The following SRPK2 variants were observed in gnomAD, a reference collection of about 807,000 sequenced individuals.
The protein encoded by SRPK2 is SFRS protein kinase 2.
A neutral mutation model predicts 90.8 loss-of-function variants in SRPK2; 21 were observed. The observed-to-expected ratio is 0.23, with a 90% CI of 0.16 to 0.33. The LOEUF is 0.33. Ranked by LOEUF, SRPK2 falls within the 10% of genes least tolerant of loss-of-function variation. The pLI is 1.00. For synonymous variants in SRPK2, 288 were observed against 311.1 expected (o/e 0.93, Z 0.78); for missense variants, 620 against 869.0 (o/e 0.71, Z 3.60).
rs1801169758 is a variant in SRPK2 at position 105,126,151 on chromosome 7, T to C, written c.1915+97A>G. 1.1e-5 allele frequency: 12 copies of C among 1,062,936 alleles called. No individual in the cohort carries two copies. In the South Asian group the frequency reaches 1.5e-4, roughly 13 times the overall value. The allele number at this position is 1,062,936 out of a possible 1,614,324, so 65.8% of individuals were successfully genotyped here. ...ATTCTGCTGGGTTGCGTTTCGAATT[T>C]AGGAGAAATGCCTTTGTCACCATTA... On this transcript the variant is annotated intron_variant, in intron 15 of 15. Transcript: ENST00000393651.
intron 2 of SRPK2, among the ~76,000 whole-genome samples, chr7:105,300,702 A>G (rs1016048687): frequency 2.6e-5 from 4 of 152,222 alleles, no homozygotes; most frequent in Non-Finnish European, 1.5e-5. Context: ...AAAAGTGGGC[A>G]ACGGATATGA....
chr7:105,331,439 A>G (rs1814392557), intron 2 of SRPK2, among the ~76,000 whole-genome samples: 1 of 152,178 alleles, frequency 6.6e-6, no homozygotes, highest in Non-Finnish European at 1.5e-5. Context: ...AATCCATAAC[A>G]TAAACTATTG....
Position 105,117,937 on chromosome 7 carries a change from A to G in SRPK2, c.2001T>C (p.Ala667=), listed in dbSNP as rs1433760487. The G allele has an allele frequency of 3.1e-6, 5 of 1,614,218 alleles. No homozygotes were observed. Among genetic ancestry groups the G allele is most frequent in the East Asian group, 2.2e-5 (1 of 44,882 alleles). ...VEKYGWPHED[A]AQFTDFLIPM... ...GGATCAGGAAATCTGTAAACTGTGC[A>G]GCATCTTCATGGGGCCAGCCATACT... is the stretch of plus-strand genomic sequence containing the variant. The change falls in exon 16 of 16, where the codon GCT becomes GCC. Residue 667 remains alanine (A), a synonymous_variant. Coordinates refer to ENST00000393651, the MANE Select transcript of SRPK2 (RefSeq NM_182692.3).
intron 2 of SRPK2, among the ~76,000 whole-genome samples, chr7:105,212,165 T>C (rs1424978038): frequency 6.6e-6 from 1 of 152,214 alleles, no homozygotes; most frequent in African/African-American, 2.4e-5. Flanking sequence ...TATAAAACAC[T>C]TGTGGGATCT....
chr7:105,255,363 T>G lies in SRPK2; in HGVS notation c.72-51578A>C, dbSNP rs146174552. 9.9e-5 allele frequency among the ~76,000 whole-genome samples: 15 copies of G among 152,144 alleles called. No homozygotes were observed. In the East Asian group the frequency reaches 2.7e-3, roughly 27 times the overall value. On this transcript the variant is annotated intron_variant, in intron 2 of 15. Transcript: ENST00000393651. ...ACTATCCTCCATCATAACCTTCTAC[T>G]GTGATCTGCATTTTCTCTGACCCCC...
At chr7:105,287,275 A>G (rs1259825573) in intron 2 of SRPK2, among the ~76,000 whole-genome samples, 12 of 137,046 alleles carry the variant, frequency 8.8e-5, no homozygotes, top group Non-Finnish European at 1.7e-4. Context: ...AAAAAAAAAA[A>G]AAAAAAAAAG....
intron 11 of SRPK2, among the ~76,000 whole-genome samples, chr7:105,139,187 G>A (rs541870837): frequency 3.3e-5 from 5 of 152,246 alleles, no homozygotes; most frequent in Middle Eastern, 3.4e-3. Context: ...TACACTGATC[G>A]GGTGAGCATA....
rs73716697 is a variant in SRPK2 at position 105,367,752 on chromosome 7, C to T, written c.71+20896G>A. On this transcript the variant is annotated intron_variant, in intron 2 of 15. Transcript: ENST00000393651. ...TAGTGCCGTGTACAGTCTGTACACACACATTTTGTGTACATTTCATGTTGG... is the reference window on the plus strand; with the variant it reads ...TAGTGCCGTGTACAGTCTGTACACATACATTTTGTGTACATTTCATGTTGG... Among the ~76,000 whole-genome samples, 512 of 152,252 alleles carry T rather than the reference C, an allele frequency of 3.4e-3. 1 individual carries two copies. The highest frequency in any genetic ancestry group is 0.011 in the African/African-American group (477 of 41,564).
intron 2 of SRPK2, among the ~76,000 whole-genome samples, chr7:105,227,575 A>T (rs1274656141): frequency 6.6e-6 from 1 of 152,222 alleles, no homozygotes; most frequent in South Asian, 2.1e-4. Context: ...AAAGGATGCT[A>T]ACAAGTGTTG....
chr7:105,205,517 TCACACACACACACACACA>T (rs543121144), intron 2 of SRPK2, among the ~76,000 whole-genome samples: 93 of 95,886 alleles, frequency 9.7e-4, no homozygotes, highest in South Asian at 4.0e-3. Context: ...TCTCTCTCTC[TCACACACACACACACACA>T]CACACACACA....
chr7:105,261,383 T>C (rs2129976191), intron 2 of SRPK2, among the ~76,000 whole-genome samples: 1 of 152,048 alleles, frequency 6.6e-6, no homozygotes, highest in Middle Eastern at 3.4e-3. Context: ...TAGCCAGGCA[T>C]TGTGGCGGGC....
intron 3 of SRPK2, among the ~76,000 whole-genome samples, chr7:105,174,881 T>C (rs1032461345): frequency 2.0e-5 from 3 of 152,136 alleles, no homozygotes; most frequent in African/African-American, 7.2e-5. Context: ...TGGTGGCTCA[T>C]GCCTGTAATC....
chr7:105,231,424 C>T (rs1359634165), intron 2 of SRPK2, among the ~76,000 whole-genome samples: 1 of 152,166 alleles, frequency 6.6e-6, no homozygotes, highest in Non-Finnish European at 1.5e-5. Flanking sequence ...CCTCTAGGTA[C>T]ACACCCAGTA....
intron 2 of SRPK2, among the ~76,000 whole-genome samples, chr7:105,385,419 G>A (rs1291100170): frequency 6.6e-6 from 1 of 151,256 alleles, no homozygotes. Flanking sequence ...CTCGTGATCC[G>A]CCCGCCTCGG....
At chr7:105,128,847 A>G (rs1801579362) in intron 13 of SRPK2, among the ~76,000 whole-genome samples, 2 of 152,176 alleles carry the variant, frequency 1.3e-5, no homozygotes, top group Non-Finnish European at 2.9e-5. Context: ...GGCGCACTAC[A>G]CTGCACCCAG....
chr7:105,174,310 G>A lies in SRPK2; in HGVS notation c.230-5045C>T, dbSNP rs117821047. Among the ~76,000 whole-genome samples the A allele has an allele frequency of 3.1e-3, 468 of 151,860 alleles. 14 individuals carry two copies. In the East Asian group the frequency reaches 0.062, roughly 20 times the overall value. On this transcript the variant is annotated intron_variant, in intron 3 of 15. Transcript: ENST00000393651. ...GGAGACTTACTGGCCAAAGATAAAG[G>A]TTCCCTTTTCCTTGCCTAGCAAAAA... is the stretch of plus-strand genomic sequence containing the variant.
At chr7:105,167,313 G>T in intron 6 of SRPK2, 64 bp downstream of exon 6, 2 of 1,359,400 alleles carry the variant, frequency 1.5e-6, no homozygotes, top group South Asian at 1.2e-5. Context: ...GAGATTATAG[G>T]AGCTTGAAAT....
chr7:105,374,661 A>G (rs1335596000), intron 2 of SRPK2, among the ~76,000 whole-genome samples: 1 of 152,110 alleles, frequency 6.6e-6, no homozygotes. Context: ...TTGGAGTGCA[A>G]TGGCGCCATC....
chr7:105,233,506 G>A (rs1799767962), intron 2 of SRPK2, among the ~76,000 whole-genome samples: 2 of 152,184 alleles, frequency 1.3e-5, no homozygotes, highest in South Asian at 4.1e-4. Flanking sequence ...CAGTGGAAAA[G>A]AGGTGAAGCT....
Sources: allele counts gnomAD v4.1 joint callset (sites outside exome capture counted in the v4.1 genomes callset), GRCh38; gene constraint gnomAD v4.1.1; transcripts MANE v1.5; gene names NCBI Gene and HGNC (gene_info 2026-07-23, HGNC 2026-07-21).